Variants in GABRG2 observed in about 807,000 individuals in gnomAD.
GABRG2 encodes the protein gamma-aminobutyric acid receptor subunit gamma-2.
A neutral mutation model predicts 56.4 loss-of-function variants in GABRG2; 16 were observed. The observed-to-expected ratio is 0.28, with a 90% confidence interval of 0.19 to 0.43. GABRG2 has a LOEUF of 0.43. Ranked by LOEUF, GABRG2 falls within the 20% of genes least tolerant of loss-of-function variation. GABRG2 has a pLI of 1.00. For missense variants in GABRG2, 327 were observed against 582.7 expected (o/e 0.56, Z 4.52); for synonymous variants, 208 against 205.5 (o/e 1.01, Z -0.10).
At chr5:162,130,894 G>A (rs1701286859) in intron 6 of GABRG2, among the ~76,000 whole-genome samples, 1 of 151,944 alleles carries the variant, frequency 6.6e-6, no homozygotes, top group South Asian at 2.1e-4. Context: ...TAGAAGGCAT[G>A]GAGAGAGACC....
intron 7 of GABRG2, among the ~76,000 whole-genome samples, chr5:162,145,745 A>G (rs1280543582): frequency 2.0e-5 from 3 of 152,172 alleles, no homozygotes; most frequent in Admixed American, 6.5e-5. Flanking sequence ...AAATTAACTC[A>G]TCTACAGTAC....
chr5:162,082,541 C>G (rs1759749342), intron 1 of GABRG2, among the ~76,000 whole-genome samples: 2 of 151,584 alleles, frequency 1.3e-5, no homozygotes, highest in Non-Finnish European at 3.0e-5. Context: ...TAATTTTGGA[C>G]TTTCCAAAAT....
At chr5:162,147,184 CCT>C (rs1765012930) in intron 7 of GABRG2, among the ~76,000 whole-genome samples, 1 of 151,824 alleles carries the variant, frequency 6.6e-6, no homozygotes, top group South Asian at 2.1e-4. Flanking sequence ...AGTCTCTCTA[CCT>C]CTTTCTTTCT....
In GABRG2 at chr5:162,098,164, C is replaced by T. The variant is rs76872907; in HGVS notation, c.548+306C>T. 12,598 of 384,274 alleles carry T rather than the reference C, an allele frequency of 0.033. 282 individuals carry two copies. The highest frequency in any genetic ancestry group is 0.045 in the Middle Eastern group (56 of 1,242). The allele number at this position is 384,274 out of a possible 1,614,324, so 23.8% of individuals were successfully genotyped here. A position where few individuals can be genotyped will look rare whatever the true frequency, so the allele number is the denominator to read the frequency against. On this transcript the variant is annotated intron_variant, in intron 4 of 9. Coordinates refer to ENST00000639213, the MANE Select transcript of GABRG2 (RefSeq NM_198904.4). ...CAAGATCATCTGACCTTTGCACCTA[C>T]GCTTTGCACTCTTATGCTTGGCAAT...
Position 162,105,722 on chromosome 5 carries a change from G to A in GABRG2, c.769+1696G>A, listed in dbSNP as rs144126905. ...TGGGATTACAGGCAAGAGCCACCGC[G>A]CCCGGCCTAGAACAATCTTTCATCT... On this transcript the variant is annotated intron_variant, in intron 6 of 9. Transcript: ENST00000639213. Among the ~76,000 whole-genome samples, 746 of 151,806 alleles carry A rather than the reference G, an allele frequency of 4.9e-3. 4 individuals carry two copies. The highest frequency in any genetic ancestry group is 6.9e-3 in the Non-Finnish European group (471 of 67,930).
At position 162,153,418 on chromosome 5, in the gene GABRG2, G is replaced by C; in HGVS notation, c.*50G>C. The C allele has an allele frequency of 6.3e-7, 1 of 1,588,976 alleles. No individual in the cohort carries two copies. Among genetic ancestry groups the C allele is most frequent in the South Asian group, 1.1e-5 (1 of 90,566 alleles). Reference sequence around the variant, plus strand: ...GTTCTTATTCACTGAGTCTCATGGAGAGATGTCTGTTCTAAGTCCACTTAA... The same window carrying C: ...GTTCTTATTCACTGAGTCTCATGGACAGATGTCTGTTCTAAGTCCACTTAA... On this transcript the variant is annotated 3_prime_UTR_variant, in exon 10 of 10. Coordinates refer to ENST00000639213, the MANE Select transcript of GABRG2 (RefSeq NM_198904.4).
chr5:162,093,728 T>C, intron 1 of GABRG2, 100 bp from the exon 2 acceptor site: 1 of 1,147,792 alleles, frequency 8.7e-7, no homozygotes, highest in Non-Finnish European at 1.3e-6. Context: ...TAAACATTTC[T>C]TTTATCCTGT....
chr5:162,094,130 G>A (rs1466073866), intron 2 of GABRG2, 151 bp downstream of exon 2: 2 of 781,388 alleles, frequency 2.6e-6, no homozygotes, highest in Non-Finnish European at 4.3e-6. Context: ...TAGCATTCAG[G>A]CCTATGAGTG....
At chr5:162,096,050 C>A (rs1760974567) in intron 3 of GABRG2, among the ~76,000 whole-genome samples, 1 of 151,688 alleles carries the variant, frequency 6.6e-6, no homozygotes. Context: ...TAGAGTAGAG[C>A]AGAATGGAGT....
chr5:162,067,699 T>C (rs894853017), upstream of GABRG2: 81 of 601,464 alleles, frequency 1.3e-4, no homozygotes, highest in Non-Finnish European at 2.3e-4. Context: ...CTCCCTTATT[T>C]GTCTCCGTAT....
chr5:162,143,585 A>G (rs1196124489), intron 7 of GABRG2, among the ~76,000 whole-genome samples: 1 of 152,196 alleles, frequency 6.6e-6, no homozygotes, highest in Non-Finnish European at 1.5e-5. Context: ...ACCTAGAACC[A>G]CATCCCTTGC....
intron 6 of GABRG2, among the ~76,000 whole-genome samples, chr5:162,112,002 A>G (rs900586733): frequency 2.0e-5 from 3 of 152,146 alleles, no homozygotes; most frequent in East Asian, 3.9e-4. Context: ...CATAAAAGTT[A>G]TTTACTGCTT....
intron 7 of GABRG2, 133 bp from the exon 8 acceptor site, chr5:162,148,975 A>G: frequency 1.3e-6 from 1 of 769,348 alleles, no homozygotes; most frequent in Non-Finnish European, 2.3e-6. Flanking sequence ...AGTGAATTAA[A>G]TCCACTTATA....
At chr5:162,138,152 C>A (rs544935652) in intron 6 of GABRG2, among the ~76,000 whole-genome samples, 1 of 152,168 alleles carries the variant, frequency 6.6e-6, no homozygotes, top group Non-Finnish European at 1.5e-5. Context: ...TTATACTTGA[C>A]AAAGCTTTTT....
At chr5:162,082,543 T>G (rs2113208572) in intron 1 of GABRG2, among the ~76,000 whole-genome samples, 1 of 151,828 alleles carries the variant, frequency 6.6e-6, no homozygotes. Context: ...ATTTTGGACT[T>G]TCCAAAATGG....
intron 1 of GABRG2, among the ~76,000 whole-genome samples, chr5:162,077,495 T>G (rs917011343): frequency 6.6e-6 from 1 of 152,182 alleles, no homozygotes; most frequent in Non-Finnish European, 1.5e-5. Context: ...TTATTCTTGA[T>G]GAAATGTCTA....
At chr5:162,106,173 A>G (rs1211514400) in intron 6 of GABRG2, among the ~76,000 whole-genome samples, 1 of 152,196 alleles carries the variant, frequency 6.6e-6, no homozygotes, top group Non-Finnish European at 1.5e-5. Context: ...TAGCAAAAAT[A>G]ATTAACAAGG....
chr5:162,151,695 A>T, intron 8 of GABRG2, 35 bp from the exon 9 acceptor site: 2 of 1,574,368 alleles, frequency 1.3e-6, no homozygotes, highest in Non-Finnish European at 1.7e-6. Context: ...TATTAAAAAC[A>T]AATGCAATTC....
At chr5:162,143,391 A>C (rs975658540) in intron 7 of GABRG2, among the ~76,000 whole-genome samples, 2 of 152,132 alleles carry the variant, frequency 1.3e-5, no homozygotes, top group Non-Finnish European at 2.9e-5. Context: ...ATTATTTGCA[A>C]TTTGCTCAAT....
Sources: allele counts gnomAD v4.1 joint callset (sites outside exome capture counted in the v4.1 genomes callset), GRCh38; gene constraint gnomAD v4.1.1; transcripts MANE v1.5; gene names NCBI Gene and HGNC (gene_info 2026-07-23, HGNC 2026-07-21).